Variants in LTBP1 observed in about 807,000 individuals in gnomAD.
The protein encoded by LTBP1 is latent transforming growth factor beta binding protein 1.
A neutral mutation model predicts 207.6 loss-of-function variants in LTBP1; 129 were observed. The observed-to-expected ratio is 0.62, with a 90% CI of 0.54 to 0.72. The LOEUF is 0.72. LTBP1 is among the 30% of genes least tolerant of loss of function. The pLI is 0.00. For missense variants in LTBP1, 2,281 were observed against 2,217.2 expected (o/e 1.03, Z -0.58); for synonymous variants, 963 against 833.7 (o/e 1.16, Z -2.67).
At chr2:33,105,820 G>A (rs1322492657) in intron 3 of LTBP1, among the ~76,000 whole-genome samples, 1 of 152,134 alleles carries the variant, frequency 6.6e-6, no homozygotes, top group Non-Finnish European at 1.5e-5. Context: ...GACTTTGGCA[G>A]TTTTGTAAAA....
chr2:32,959,621 A>ATTCTTTTTTTTTT (rs1678754201), intron 2 of LTBP1, among the ~76,000 whole-genome samples: 1 of 36,668 alleles, frequency 2.7e-5, no homozygotes, highest in Non-Finnish European at 5.0e-5. Context: ...ATATATATAT[A>ATTCTTTTTTTTTT]TTTTTTTTTT....
rs139896749 is a variant in LTBP1, at chr2:33,126,844, A to C, written c.1034-7949A>C. On this transcript the variant is annotated intron_variant, in intron 4 of 33. Transcript: ENST00000404816. ...TTGTATTGGAAAAAAAAAATGAAGT[A>C]AATGACAGAATCAGTATTCTGCAAG... Among the ~76,000 whole-genome samples the C allele has an allele frequency of 6.8e-3, 1,032 of 152,338 alleles. 16 individuals are homozygous for C. Among genetic ancestry groups the C allele is most frequent in the African/African-American group, 0.024 (983 of 41,572 alleles).
chr2:33,331,984 A>G (rs906640446), intron 24 of LTBP1, among the ~76,000 whole-genome samples: 7 of 152,140 alleles, frequency 4.6e-5, no homozygotes, highest in African/African-American at 1.7e-4. Flanking sequence ...ATCTTACATA[A>G]TATAATTTCA....
intron 3 of LTBP1, among the ~76,000 whole-genome samples, chr2:33,072,744 A>G (rs764820981): frequency 3.3e-5 from 5 of 152,164 alleles, no homozygotes; most frequent in African/African-American, 9.7e-5. Context: ...ATTAATATAT[A>G]TGTCATAGTA....
chr2:33,210,049 G>C (rs1315835291), intron 7 of LTBP1, among the ~76,000 whole-genome samples: 3 of 152,262 alleles, frequency 2.0e-5, no homozygotes, highest in African/African-American at 7.2e-5. Context: ...CATTTACCCA[G>C]TTGTGGGTCA....
intron 2 of LTBP1, among the ~76,000 whole-genome samples, chr2:32,970,956 G>T (rs1182589075): frequency 6.7e-6 from 1 of 148,530 alleles, no homozygotes. Context: ...TTCAATTCTT[G>T]TTGTAGAGAT....
chr2:33,381,822 A>ATAG (rs1430511179), intron 31 of LTBP1, among the ~76,000 whole-genome samples: 1 of 152,280 alleles, frequency 6.6e-6, no homozygotes, highest in Non-Finnish European at 1.5e-5. Context: ...GGTTTGGCAG[A>ATAG]TAGACCACTT....
intron 2 of LTBP1, among the ~76,000 whole-genome samples, chr2:32,961,775 G>A (rs766111190): frequency 2.9e-4 from 44 of 151,804 alleles, no homozygotes; most frequent in Non-Finnish European, 5.2e-4. Flanking sequence ...GTGAAACCCC[G>A]TCTCTACTAA....
At chr2:33,366,737 A>T (rs2094992999) in intron 31 of LTBP1, among the ~76,000 whole-genome samples, 1 of 152,124 alleles carries the variant, frequency 6.6e-6, no homozygotes, top group Non-Finnish European at 1.5e-5. Flanking sequence ...GGCTGGGAGG[A>T]TGTAGGTAGA....
intron 5 of LTBP1, among the ~76,000 whole-genome samples, chr2:33,178,447 G>T (rs1450822673): frequency 6.6e-6 from 1 of 152,204 alleles, no homozygotes. Context: ...TCTGGTGTGT[G>T]TGATAGCGCT....
chr2:33,316,302 G>A (rs1177142171), intron 24 of LTBP1, among the ~76,000 whole-genome samples: 1 of 152,142 alleles, frequency 6.6e-6, no homozygotes, highest in Admixed American at 6.5e-5. Context: ...GAAGTAAATT[G>A]CAAAAGTTTT....
intron 4 of LTBP1, among the ~76,000 whole-genome samples, chr2:33,122,793 G>A (rs541376992): frequency 1.3e-4 from 20 of 151,904 alleles, no homozygotes; most frequent in Non-Finnish European, 2.6e-4. Context: ...CCTCCATGAG[G>A]TTTGGCTTAT....
intron 26 of LTBP1, among the ~76,000 whole-genome samples, chr2:33,353,914 C>T (rs1056934840): frequency 1.3e-5 from 2 of 149,436 alleles, no homozygotes; most frequent in African/African-American, 5.0e-5. Flanking sequence ...GGCTGGAGTG[C>T]AGTGGCACCA....
At chr2:33,070,335 A>G (rs17324986) in intron 3 of LTBP1, among the ~76,000 whole-genome samples, 5,933 of 152,278 alleles carry the variant, frequency 0.039, 199 homozygotes, top group Non-Finnish European at 0.066. Context: ...GGTGGCCCTA[A>G]GTGAAGGGTA....
At chr2:32,996,463 A>G (rs568156508) in intron 2 of LTBP1, among the ~76,000 whole-genome samples, 40 of 152,318 alleles carry the variant, frequency 2.6e-4, no homozygotes, top group African/African-American at 8.2e-4. Context: ...GGATACAAAC[A>G]TTCAGCCCAT....
intron 2 of LTBP1, among the ~76,000 whole-genome samples, chr2:32,998,137 C>T (rs527702970): frequency 3.9e-4 from 60 of 152,140 alleles, no homozygotes; most frequent in Non-Finnish European, 7.8e-4. Flanking sequence ...GACTCCTCCC[C>T]AGACCTAATA....
At chr2:33,382,544 T>C (rs1174059573) in intron 31 of LTBP1, among the ~76,000 whole-genome samples, 1 of 152,234 alleles carries the variant, frequency 6.6e-6, no homozygotes, top group Non-Finnish European at 1.5e-5. Context: ...ACTTTAGTCA[T>C]CGTCTCTGTG....
chr2:33,257,618 T>C (rs2092900660), intron 12 of LTBP1, 107 bp downstream of exon 12: 6 of 918,286 alleles, frequency 6.5e-6, no homozygotes, highest in South Asian at 3.4e-5. Flanking sequence ...CTAAGCACTA[T>C]TGGCATTTTA....
chr2:33,076,383 G>A (rs150782143), intron 3 of LTBP1, among the ~76,000 whole-genome samples: 229 of 152,042 alleles, frequency 1.5e-3, no homozygotes, highest in African/African-American at 5.3e-3. Flanking sequence ...AAGGAGAGGT[G>A]AAGGAAGGAT....
Sources: gnomAD v4.1 joint callset for allele counts (sites outside exome capture counted in the v4.1 genomes callset) on GRCh38, gnomAD v4.1.1 for gene constraint, MANE v1.5 for transcripts, NCBI Gene and HGNC (gene_info 2026-07-23, HGNC 2026-07-21) for gene names.